SCAPER: variants seen among roughly 807,000 people sequenced by gnomAD.
SCAPER encodes S phase cyclin A-associated protein in the endoplasmic reticulum.
SCAPER carries 98 observed loss-of-function variants against 182.2 expected under a neutral mutation model. The observed-to-expected ratio is 0.54, with a 90% confidence interval of 0.46 to 0.64. The LOEUF (loss-of-function observed/expected upper bound fraction) is 0.64, where lower values mean the gene tolerates loss of function less well. Among genes scored for constraint, SCAPER ranks in the 30% least tolerant of loss-of-function variants. SCAPER has a pLI of 0.00. For missense variants in SCAPER, 1,432 were observed against 1,690.0 expected, an observed-to-expected ratio of 0.85 and a Z score of 2.68; for synonymous variants, 605 against 564.6, an observed-to-expected ratio of 1.07 and a Z score of -1.01.
intron 15 of SCAPER, among the ~76,000 whole-genome samples, chr15:76,750,826 G>T (rs1338820006): frequency 6.6e-6 from 1 of 151,824 alleles, no homozygotes; most frequent in Non-Finnish European, 1.5e-5. Context: ...TCTGATATCA[G>T]GATCAAGATA....
At chr15:76,511,843 A>ATGTGTGTGTGTGTGTGTGTGTG (rs1555461783) in intron 23 of SCAPER, among the ~76,000 whole-genome samples, 17 of 123,286 alleles carry the variant, frequency 1.4e-4, no homozygotes, top group African/African-American at 2.7e-4. Flanking sequence ...ATATATATAT[A>ATGTGTGTGTGTGTGTGTGTGTG]TGTGTGTGTG....
intron 21 of SCAPER, among the ~76,000 whole-genome samples, chr15:76,647,580 G>A (rs1232847829): frequency 1.3e-5 from 2 of 152,136 alleles, no homozygotes; most frequent in African/African-American, 4.8e-5. Flanking sequence ...GGAATTTGTG[G>A]GGCAGAGTAG....
intron 27 of SCAPER, among the ~76,000 whole-genome samples, chr15:76,389,154 G>T (rs2043485434): frequency 6.6e-6 from 1 of 152,172 alleles, no homozygotes; most frequent in East Asian, 1.9e-4. Context: ...AAGTCAAGGT[G>T]GAACGTATGT....
intron 22 of SCAPER, among the ~76,000 whole-genome samples, chr15:76,620,376 G>T (rs762820757): frequency 7.2e-5 from 11 of 152,064 alleles, no homozygotes; most frequent in Non-Finnish European, 1.3e-4. Context: ...CCATCCTACT[G>T]AATTGATTTC....
intron 4 of SCAPER, among the ~76,000 whole-genome samples, chr15:76,854,093 A>G (rs1049255268): frequency 5.3e-5 from 8 of 152,142 alleles, no homozygotes; most frequent in Admixed American, 1.3e-4. Flanking sequence ...ACAAGGTGAA[A>G]CCTTGTCTTT....
At chr15:76,683,397 T>C (rs189774260) in intron 20 of SCAPER, among the ~76,000 whole-genome samples, 1 of 152,104 alleles carries the variant, frequency 6.6e-6, no homozygotes, top group South Asian at 2.1e-4. Context: ...CTGAGAAATA[T>C]GGGATTATGT....
intron 29 of SCAPER, among the ~76,000 whole-genome samples, chr15:76,362,755 T>C (rs1469230774): frequency 2.0e-5 from 3 of 152,190 alleles, no homozygotes; most frequent in African/African-American, 7.2e-5. Context: ...ACATACATAA[T>C]AGATAAACCC....
intron 7 of SCAPER, among the ~76,000 whole-genome samples, chr15:76,797,952 G>C (rs1479116746): frequency 6.7e-6 from 1 of 148,874 alleles, no homozygotes; most frequent in Non-Finnish European, 1.5e-5. Context: ...AAAATCAGAT[G>C]ATGTGCCAAT....
intron 29 of SCAPER, among the ~76,000 whole-genome samples, chr15:76,367,337 C>T (rs1271669183): frequency 6.6e-6 from 1 of 152,212 alleles, no homozygotes; most frequent in Non-Finnish European, 1.5e-5. Flanking sequence ...CCTGTGATTA[C>T]AGCCTAAGCC....
intron 22 of SCAPER, among the ~76,000 whole-genome samples, chr15:76,591,938 T>C (rs1286362119): frequency 6.6e-6 from 1 of 152,106 alleles, no homozygotes; most frequent in Non-Finnish European, 1.5e-5. Context: ...CGCATGCCTG[T>C]AGTCCCAGCT....
chr15:76,549,598 G>T (rs1271529320), intron 23 of SCAPER, among the ~76,000 whole-genome samples: 1 of 152,134 alleles, frequency 6.6e-6, no homozygotes, highest in East Asian at 1.9e-4. Flanking sequence ...GGACTGTTGT[G>T]GGGTAGGGGG....
intron 20 of SCAPER, 119 bp from the exon 21 acceptor site, chr15:76,665,908 TAC>T (rs1221910267): frequency 4.8e-6 from 4 of 836,528 alleles, no homozygotes; most frequent in Non-Finnish European, 6.8e-6. Context: ...ATCTCCGTAA[TAC>T]ACTGGTTTCT....
intron 8 of SCAPER, among the ~76,000 whole-genome samples, chr15:76,786,905 AATAGTT>A (rs1411701666): frequency 6.6e-6 from 1 of 152,202 alleles, no homozygotes; most frequent in East Asian, 1.9e-4. Context: ...AAGAAAATGA[AATAGTT>A]ATAAGTCCAA....
chr15:76,627,322 T>C (rs1262523840), intron 21 of SCAPER, among the ~76,000 whole-genome samples: 6 of 152,204 alleles, frequency 3.9e-5, no homozygotes, highest in Admixed American at 6.5e-5. Context: ...ACCTGTGTAT[T>C]TGTTAAATAA....
chr15:76,633,388 T>C (rs931708364), intron 21 of SCAPER, among the ~76,000 whole-genome samples: 1 of 152,192 alleles, frequency 6.6e-6, no homozygotes, highest in Non-Finnish European at 1.5e-5. Flanking sequence ...TTGGGACATC[T>C]CACTCAGTCA....
At position 76,593,672 on chromosome 15, in the gene SCAPER, G is replaced by C. The variant is rs1284552414; in HGVS notation, c.2712-19388C>G. Among the ~76,000 whole-genome samples, 12 of 121,550 alleles carry C rather than the reference G, an allele frequency of 9.9e-5. 4 individuals carry two copies. The highest frequency in any genetic ancestry group is 1.9e-4 in the Admixed American group (2 of 10,760). 79.7% of individuals were successfully genotyped at this position (121,550 alleles called of 152,430 possible). A position where few individuals can be genotyped will look rare whatever the true frequency, so the allele number is the denominator to read the frequency against. ...TTCTGCAGCATCCACTGGTGATACC[G>C]AGGCAAACAGGATCTGGAGTGGACC... On this transcript the variant is annotated intron_variant, in intron 22 of 31. Transcript: ENST00000563290.
At chr15:76,630,618 T>C (rs576289122) in intron 21 of SCAPER, among the ~76,000 whole-genome samples, 56 of 152,306 alleles carry the variant, frequency 3.7e-4, no homozygotes, top group African/African-American at 1.3e-3. Context: ...TTTGCGTGGG[T>C]TTCTTAATCT....
chr15:76,873,527 A>C (rs984663800), intron 2 of SCAPER, among the ~76,000 whole-genome samples: 5 of 152,198 alleles, frequency 3.3e-5, no homozygotes, highest in Admixed American at 2.6e-4. Context: ...TCAATGTCAA[A>C]TGTGCACATA....
intron 27 of SCAPER, among the ~76,000 whole-genome samples, chr15:76,391,364 G>GT (rs1305101780): frequency 6.6e-6 from 1 of 152,124 alleles, no homozygotes; most frequent in African/African-American, 2.4e-5. Context: ...TTGGTTGATT[G>GT]TTTTTTCCCC....
Sources: gnomAD v4.1 joint callset for allele counts (sites outside exome capture counted in the v4.1 genomes callset) on GRCh38, gnomAD v4.1.1 for gene constraint, MANE v1.5 for transcripts, NCBI Gene and HGNC (gene_info 2026-07-23, HGNC 2026-07-21) for gene names.